Variants in NCAM2 observed in about 807,000 individuals in gnomAD.
NCAM2 encodes the protein neural cell adhesion molecule 2.
In NCAM2, 30 loss-of-function variants were observed where a neutral mutation model predicts 98.1. The ratio of observed to expected loss-of-function variants is 0.31; its 90% CI spans 0.23 to 0.41. The LOEUF is 0.41. Among genes scored for constraint, NCAM2 ranks in the 10% least tolerant of loss-of-function variants. The probability of loss-of-function intolerance (pLI) is 1.00; values close to 1 mark genes in which losing one functional copy is unlikely to be tolerated. For synonymous variants in NCAM2, 368 were observed against 342.4 expected (o/e 1.07, Z -0.83); for missense variants, 867 against 1,005.8 (o/e 0.86, Z 1.87).
At chr21:21,452,626 AATATATT>A (rs1296048577) in intron 12 of NCAM2, among the ~76,000 whole-genome samples, 20 of 113,168 alleles carry the variant, frequency 1.8e-4, no homozygotes, top group Admixed American at 7.4e-4. Flanking sequence ...TAATATATAC[AATATATT>A]ATATATTATA....
At chr21:21,273,130 C>G (rs376109582) in intron 1 of NCAM2, among the ~76,000 whole-genome samples, 5 of 152,146 alleles carry the variant, frequency 3.3e-5, no homozygotes, top group Middle Eastern at 3.4e-3. Flanking sequence ...CTGGTTTCAC[C>G]GTATATTGGC....
At chr21:21,455,181 C>T (rs1045014161) in intron 12 of NCAM2, among the ~76,000 whole-genome samples, 7 of 128,612 alleles carry the variant, frequency 5.4e-5, no homozygotes, top group African/African-American at 2.1e-4. Context: ...ATCTTCCACT[C>T]AGAGTCCTTT....
chr21:21,236,897 C>T (rs1244193374), intron 1 of NCAM2, among the ~76,000 whole-genome samples: 1 of 152,054 alleles, frequency 6.6e-6, no homozygotes, highest in Non-Finnish European at 1.5e-5. Flanking sequence ...CAGAGTTGGA[C>T]GTTTAGGATA....
chr21:21,010,320 A>G (rs1209324748), intron 1 of NCAM2, among the ~76,000 whole-genome samples: 1 of 152,016 alleles, frequency 6.6e-6, no homozygotes, highest in Non-Finnish European at 1.5e-5. Context: ...ATGGCTTATG[A>G]AGGCCTATGT....
In NCAM2 at chr21:21,482,634, C is replaced by T. The variant is rs954204574; in HGVS notation, c.2077+5163C>T. Among the ~76,000 whole-genome samples the T allele has an allele frequency of 6.6e-5, 10 of 151,568 alleles. No individual in the cohort carries two copies. In the East Asian group the frequency reaches 9.7e-4, roughly 15 times the overall value. On this transcript the variant is annotated intron_variant, in intron 15 of 17. Transcript: ENST00000400546. ...TTGTTGGACTAAAGCACTATTTTTT[C>T]GTTTTTTATCAACCTACTCCCTTTA...
intron 1 of NCAM2, among the ~76,000 whole-genome samples, chr21:21,151,966 G>T (rs964736456): frequency 1.3e-5 from 2 of 151,890 alleles, no homozygotes; most frequent in African/African-American, 2.4e-5. Flanking sequence ...CCTAATTAGA[G>T]ATTATTAAGT....
chr21:21,226,281 C>T (rs1300478303), intron 1 of NCAM2, among the ~76,000 whole-genome samples: 1 of 151,814 alleles, frequency 6.6e-6, no homozygotes, highest in African/African-American at 2.4e-5. Context: ...TATAACAAAC[C>T]TGCACATATA....
intron 5 of NCAM2, among the ~76,000 whole-genome samples, chr21:21,300,652 A>G (rs1355175851): frequency 6.6e-6 from 1 of 152,108 alleles, no homozygotes; most frequent in Non-Finnish European, 1.5e-5. Context: ...TTATAACCTT[A>G]AGGTATACTG....
At chr21:21,501,592 A>G (rs233774) in intron 15 of NCAM2, among the ~76,000 whole-genome samples, 125,932 of 151,002 alleles carry the variant, frequency 0.83, 52,629 homozygotes, top group Middle Eastern at 0.92. Flanking sequence ...ATCAATGTTT[A>G]TGAAGCATAC....
intron 8 of NCAM2, among the ~76,000 whole-genome samples, chr21:21,356,336 G>A (rs1225108119): frequency 2.0e-5 from 3 of 151,508 alleles, no homozygotes; most frequent in Non-Finnish European, 2.9e-5. Context: ...TTTATGGTTC[G>A]CGGTTCCTAC....
At chr21:21,059,276 A>G (rs571580394) in intron 1 of NCAM2, among the ~76,000 whole-genome samples, 51 of 152,222 alleles carry the variant, frequency 3.4e-4, no homozygotes, top group African/African-American at 1.2e-3. Context: ...TTTGATCCAG[A>G]AGAGAATTTT....
chr21:21,399,697 C>T (rs2076587156), intron 9 of NCAM2, among the ~76,000 whole-genome samples: 1 of 152,002 alleles, frequency 6.6e-6, no homozygotes, highest in African/African-American at 2.4e-5. Context: ...AGTGGAAATT[C>T]AGGTCAAAGA....
Position 21,268,913 on chromosome 21 carries a change from A to C in NCAM2, c.56-11665A>C, listed in dbSNP as rs61447139. Among the ~76,000 whole-genome samples, 1,407 of 152,252 alleles carry C rather than the reference A, an allele frequency of 9.2e-3. 26 individuals are homozygous for C. Among genetic ancestry groups the C allele is most frequent in the African/African-American group, 0.032 (1,346 of 41,550 alleles). ...AGCACAGGTGCACTTAAATCTAACTAATCTAACTATGGATCCTTCAGAAAC... is the reference window on the plus strand; with the variant it reads ...AGCACAGGTGCACTTAAATCTAACTCATCTAACTATGGATCCTTCAGAAAC... On this transcript the variant is annotated intron_variant, in intron 1 of 17. Transcript: ENST00000400546.
intron 1 of NCAM2, among the ~76,000 whole-genome samples, chr21:21,202,294 A>C (rs905290739): frequency 2.6e-5 from 4 of 152,152 alleles, no homozygotes; most frequent in Non-Finnish European, 5.9e-5. Flanking sequence ...TAGGCCAAGA[A>C]ATGTAAAGCA....
chr21:21,069,752 A>T (rs1353111335), intron 1 of NCAM2, among the ~76,000 whole-genome samples: 1 of 152,122 alleles, frequency 6.6e-6, no homozygotes, highest in Middle Eastern at 3.2e-3. Context: ...GCTAAAAAAG[A>T]AGGAAACCCA....
At chr21:21,443,694 T>C (rs967836547) in intron 12 of NCAM2, among the ~76,000 whole-genome samples, 1 of 152,128 alleles carries the variant, frequency 6.6e-6, no homozygotes, top group Non-Finnish European at 1.5e-5. Context: ...AGATAGCCCT[T>C]TTCCATTATA....
At chr21:21,175,158 C>G (rs1200273149) in intron 1 of NCAM2, among the ~76,000 whole-genome samples, 1 of 152,016 alleles carries the variant, frequency 6.6e-6, no homozygotes, top group African/African-American at 2.4e-5. Context: ...AGAGCAAGAT[C>G]ACAAACTGGG....
chr21:21,253,035 C>T (rs2071531079), intron 1 of NCAM2, among the ~76,000 whole-genome samples: 1 of 152,118 alleles, frequency 6.6e-6, no homozygotes, highest in South Asian at 2.1e-4. Flanking sequence ...ACTTTTCCAT[C>T]TTCCCTTTTC....
At chr21:21,264,959 G>A (rs1368046326) in intron 1 of NCAM2, among the ~76,000 whole-genome samples, 1 of 91,638 alleles carries the variant, frequency 1.1e-5, no homozygotes, top group African/African-American at 4.5e-5. Context: ...ATATGTGTAT[G>A]TGTATATATA....
Sources: gnomAD v4.1 joint callset for allele counts (sites outside exome capture counted in the v4.1 genomes callset) on GRCh38, gnomAD v4.1.1 for gene constraint, MANE v1.5 for transcripts, NCBI Gene and HGNC (gene_info 2026-07-23, HGNC 2026-07-21) for gene names.